The following GRIP1 variants were observed in gnomAD, a reference collection of about 807,000 sequenced individuals.
GRIP1 encodes the protein glutamate receptor interacting protein 1.
In GRIP1, 45 loss-of-function variants were observed where a neutral mutation model predicts 129.9. That is an observed-to-expected ratio of 0.35 (90% CI 0.27 to 0.44). GRIP1 has a LOEUF of 0.44. Among genes scored for constraint, GRIP1 ranks in the 20% least tolerant of loss-of-function variants. The pLI is 1.00. For synonymous variants in GRIP1, 530 were observed against 520.8 expected (o/e 1.02, Z -0.24); for missense variants, 1,196 against 1,396.8 (o/e 0.86, Z 2.29).
At chr12:66,579,495 G>A (rs1232509633) in intron 2 of GRIP1, among the ~76,000 whole-genome samples, 2 of 152,134 alleles carry the variant, frequency 1.3e-5, no homozygotes, top group Non-Finnish European at 2.9e-5. Context: ...AGGCAAAGAA[G>A]TTAAAAACTT....
chr12:66,725,726 TTTATA>T (rs898301673), intron 1 of GRIP1, among the ~76,000 whole-genome samples: 8 of 152,294 alleles, frequency 5.3e-5, no homozygotes, highest in Non-Finnish European at 7.4e-5. Flanking sequence ...AGTACACACA[TTTATA>T]TTAATCATAC....
intron 1 of GRIP1, among the ~76,000 whole-genome samples, chr12:66,992,514 T>C (rs1438947013): frequency 1.3e-5 from 2 of 150,554 alleles, no homozygotes; most frequent in South Asian, 2.1e-4. Flanking sequence ...ATTACAAAGC[T>C]TGGTAAATCT....
intron 1 of GRIP1, among the ~76,000 whole-genome samples, chr12:66,870,829 A>G (rs1467425538): frequency 2.0e-5 from 3 of 152,084 alleles, no homozygotes; most frequent in East Asian, 1.9e-4. Context: ...GGGCCACTCC[A>G]TTTCAAAGCC....
At chr12:66,737,958 G>A (rs536850430) in intron 1 of GRIP1, among the ~76,000 whole-genome samples, 5 of 152,248 alleles carry the variant, frequency 3.3e-5, no homozygotes, top group South Asian at 4.1e-4. Context: ...ATACTAATGG[G>A]AGCTGACCAG....
chr12:66,903,516 T>A (rs541916018), intron 1 of GRIP1, among the ~76,000 whole-genome samples: 25 of 151,486 alleles, frequency 1.7e-4, no homozygotes, highest in African/African-American at 6.0e-4. Flanking sequence ...TTAAAGAATA[T>A]CTCCAAAAAA....
chr12:66,503,236 G>A (rs950420318), intron 7 of GRIP1, among the ~76,000 whole-genome samples: 3 of 152,078 alleles, frequency 2.0e-5, no homozygotes, highest in African/African-American at 4.8e-5. Context: ...AACCGGGCAC[G>A]TGCATTAAGA....
rs79218824 is a variant in GRIP1, at chr12:66,753,160, C to T, written c.-420+50893G>A. Among the ~76,000 whole-genome samples, 34 of 152,148 alleles carry T rather than the reference C, an allele frequency of 2.2e-4. No individual in the cohort carries two copies. The East Asian group carries it at 3.7e-3, about 16-fold the overall frequency. ...CTTATATCCTAGGTATATGGCTATCCGACCCCATTTCTCAATGTAAAATAA... is the reference window on the plus strand; with the variant it reads ...CTTATATCCTAGGTATATGGCTATCTGACCCCATTTCTCAATGTAAAATAA... On this transcript the variant is annotated intron_variant, in intron 1 of 4. Coordinates refer to the GRIP1 transcript ENST00000538373.
chr12:66,578,562 C>A (rs187653766), intron 2 of GRIP1, among the ~76,000 whole-genome samples: 2 of 152,160 alleles, frequency 1.3e-5, no homozygotes, highest in East Asian at 1.9e-4. Context: ...CCAAATACTG[C>A]GCTTTTCCAA....
At chr12:66,483,096 G>A (rs2059851079) in intron 7 of GRIP1, among the ~76,000 whole-genome samples, 1 of 152,128 alleles carries the variant, frequency 6.6e-6, no homozygotes, top group Admixed American at 6.5e-5. Flanking sequence ...CACAGTGCAA[G>A]GCTTGATTAG....
chr12:66,484,287 G>A lies in GRIP1; in HGVS notation c.725-18865C>T, dbSNP rs559594223. 5.3e-5 allele frequency among the ~76,000 whole-genome samples: 8 copies of A among 152,184 alleles called. No individual in the cohort carries two copies. In the East Asian group the frequency reaches 1.5e-3, roughly 29 times the overall value. Reference sequence around the variant, plus strand: ...TTGTAAGAGTCATGCATATTGTTAGGGGTAATTTATTATAATTGCTATATT... The same window carrying A: ...TTGTAAGAGTCATGCATATTGTTAGAGGTAATTTATTATAATTGCTATATT... On this transcript the variant is annotated intron_variant, in intron 7 of 24. Transcript: ENST00000359742.
intron 11 of GRIP1, among the ~76,000 whole-genome samples, chr12:66,446,490 G>A (rs922522247): frequency 2.6e-5 from 4 of 152,098 alleles, no homozygotes; most frequent in African/African-American, 4.8e-5. Flanking sequence ...CCCTCTACAG[G>A]TGGCAGGAAG....
At chr12:66,763,846 T>C (rs1249305401) in intron 1 of GRIP1, among the ~76,000 whole-genome samples, 2 of 152,222 alleles carry the variant, frequency 1.3e-5, no homozygotes, top group African/African-American at 2.4e-5. Context: ...TACTCACACA[T>C]TTTCAAAGAG....
chr12:67,057,632 T>TAACAAC (rs892463566), intron 1 of GRIP1, among the ~76,000 whole-genome samples: 2 of 151,922 alleles, frequency 1.3e-5, no homozygotes, highest in African/African-American at 4.8e-5. Flanking sequence ...CTGTGAGCAA[T>TAACAAC]AACAACAACA....
At chr12:66,378,101 CT>C (rs1318104737) in intron 20 of GRIP1, among the ~76,000 whole-genome samples, 18 of 149,612 alleles carry the variant, frequency 1.2e-4, no homozygotes, top group Admixed American at 1.1e-3. Context: ...CATGAGGTAT[CT>C]TTTAAAAAAA....
In GRIP1 at chr12:66,785,343, C is replaced by CATACATACATATAT. The variant is rs377630345; in HGVS notation, c.-420+18709_-420+18710insATATATGTATGTAT. 6.0e-3 allele frequency among the ~76,000 whole-genome samples: 440 copies of CATACATACATATAT among 72,768 alleles called. 8 individuals are homozygous for CATACATACATATAT. Among genetic ancestry groups the CATACATACATATAT allele is most frequent in the African/African-American group, 0.011 (219 of 19,706 alleles). 47.7% of individuals were successfully genotyped at this position (72,768 alleles called of 152,430 possible). ...ACATACATACATACATACATACATACATATATATATATATATATATTAGTT... is the reference window on the plus strand; with the variant it reads ...ACATACATACATACATACATACATACATACATACATATATATATATATATATATATATATTAGTT... On this transcript the variant is annotated intron_variant, in intron 1 of 4. Transcript: ENST00000538373.
At chr12:66,374,725 A>G (rs1399313849) in intron 22 of GRIP1, among the ~76,000 whole-genome samples, 1 of 152,154 alleles carries the variant, frequency 6.6e-6, no homozygotes, top group Non-Finnish European at 1.5e-5. Flanking sequence ...AAGAAATTAC[A>G]GATTGATTTA....
intron 1 of GRIP1, among the ~76,000 whole-genome samples, chr12:66,996,840 C>T (rs999911456): frequency 3.9e-5 from 6 of 152,150 alleles, no homozygotes; most frequent in African/African-American, 1.4e-4. Context: ...ACCATCCCCA[C>T]ATCTCAGTCC....
intron 1 of GRIP1, among the ~76,000 whole-genome samples, chr12:66,924,682 G>C (rs1389114705): frequency 1.3e-5 from 2 of 152,064 alleles, no homozygotes; most frequent in Non-Finnish European, 2.9e-5. Context: ...AAAATTAATA[G>C]AGCGGCCAGG....
intron 1 of GRIP1, among the ~76,000 whole-genome samples, chr12:67,038,929 A>G (rs2043137150): frequency 6.6e-6 from 1 of 152,212 alleles, no homozygotes; most frequent in Non-Finnish European, 1.5e-5. Flanking sequence ...GCCCTAAAGT[A>G]CTAGGCAAGG....
Sources: gnomAD v4.1 joint callset for allele counts (sites outside exome capture counted in the v4.1 genomes callset) on GRCh38, gnomAD v4.1.1 for gene constraint, MANE v1.5 for transcripts, NCBI Gene and HGNC (gene_info 2026-07-23, HGNC 2026-07-21) for gene names.